Variants in DAPL1 observed in about 807,000 individuals in gnomAD.
DAPL1 encodes death associated protein like 1, also known as death-associated protein-like 1.
In DAPL1, 17 loss-of-function variants were observed where a neutral mutation model predicts 12.9. That is an observed-to-expected ratio of 1.32 (90% CI 0.90 to 1.98). The LOEUF is 1.98. Ranked by LOEUF, DAPL1 falls within the 30% of genes most tolerant of loss-of-function variation. The probability of loss-of-function intolerance (pLI) is 0.00; values close to 1 mark genes in which losing one functional copy is unlikely to be tolerated. For synonymous variants in DAPL1, 51 were observed against 42.0 expected, an observed-to-expected ratio of 1.21 and a Z score of -0.82; for missense variants, 157 against 125.7, an observed-to-expected ratio of 1.25 and a Z score of -1.19.
At chr2:158,813,266 C>G (rs534321437) in intron 3 of DAPL1, among the ~76,000 whole-genome samples, 49 of 152,092 alleles carry the variant, frequency 3.2e-4, no homozygotes, top group Admixed American at 7.9e-4. Context: ...TAATTGGTAC[C>G]GAGTCTCAGT....
chr2:158,808,176 T>C (rs905645163), intron 3 of DAPL1, among the ~76,000 whole-genome samples: 4 of 152,226 alleles, frequency 2.6e-5, no homozygotes, highest in African/African-American at 9.6e-5. Flanking sequence ...GTGTCCTCTG[T>C]AGAAGGAAGA....
chr2:158,810,720 G>A (rs904753863), intron 3 of DAPL1, among the ~76,000 whole-genome samples: 1 of 152,022 alleles, frequency 6.6e-6, no homozygotes, highest in East Asian at 1.9e-4. Flanking sequence ...TCACTCTCCA[G>A]CCAGCCTTCC....
intron 3 of DAPL1, among the ~76,000 whole-genome samples, chr2:158,813,487 C>A (rs1171169269): frequency 6.6e-6 from 1 of 151,934 alleles, no homozygotes; most frequent in East Asian, 1.9e-4. Context: ...GATCAAATAA[C>A]AAATTAGTGC....
At chr2:158,803,524 A>G (rs1376184659) in intron 1 of DAPL1, among the ~76,000 whole-genome samples, 2 of 152,228 alleles carry the variant, frequency 1.3e-5, no homozygotes, top group Non-Finnish European at 2.9e-5. Context: ...TTTCCTGGGA[A>G]CAGAAAAAAA....
chr2:158,802,253 T>C (rs1214891677), intron 1 of DAPL1, among the ~76,000 whole-genome samples: 1 of 152,226 alleles, frequency 6.6e-6, no homozygotes, highest in Non-Finnish European at 1.5e-5. Flanking sequence ...AGATCACTTT[T>C]AGGAATTTCC....
chr2:158,815,189 A>G (rs2059253363), intron 3 of DAPL1, among the ~76,000 whole-genome samples: 1 of 152,224 alleles, frequency 6.6e-6, no homozygotes, highest in Non-Finnish European at 1.5e-5. Flanking sequence ...GGCTATTTAG[A>G]TTGAACCATA....
At chr2:158,795,610 C>A (rs532939996) in intron 1 of DAPL1, among the ~76,000 whole-genome samples, 180 bp downstream of exon 1, 2 of 152,164 alleles carry the variant, frequency 1.3e-5, no homozygotes, top group Non-Finnish European at 2.9e-5. Flanking sequence ...TAAATCCACC[C>A]GGGGATTTGT....
In DAPL1 at chr2:158,795,376, G is replaced by A. The variant is rs1225492533; in HGVS notation, c.4G>A (p.Ala2Thr). ...GGCACTGGCACTGGCACACGCTATG[G>A]CAAATGAAGTGCAAGACCTGCTCTC... MANEVQDLLSPR... is the reference protein window; with the variant it reads MTNEVQDLLSPR... Residue 2 changes from alanine (A) to threonine (T), a missense_variant, in exon 1 of 4, where the codon GCA (alanine) becomes ACA (threonine). Coordinates refer to ENST00000309950, the MANE Select transcript of DAPL1 (RefSeq NM_001017920.3). 9.0e-6 allele frequency: 14 copies of A among 1,555,140 alleles called. No individual in the cohort carries two copies. The highest frequency in any genetic ancestry group is 1.4e-5 in the African/African-American group (1 of 73,386).
At chr2:158,811,398 C>A (rs1378831542) in intron 3 of DAPL1, among the ~76,000 whole-genome samples, 2 of 152,058 alleles carry the variant, frequency 1.3e-5, no homozygotes, top group East Asian at 1.9e-4. Context: ...GAAGTTAACA[C>A]CCTGGAAAGA....
intron 1 of DAPL1, among the ~76,000 whole-genome samples, chr2:158,802,033 G>A (rs1157517519): frequency 6.6e-6 from 1 of 152,190 alleles, no homozygotes; most frequent in Non-Finnish European, 1.5e-5. Context: ...CATGAGAAAT[G>A]AGAATTAAAA....
chr2:158,811,716 G>A (rs571420601), intron 3 of DAPL1, among the ~76,000 whole-genome samples: 19 of 152,246 alleles, frequency 1.2e-4, no homozygotes, highest in African/African-American at 3.1e-4. Flanking sequence ...TCTTTCTCTC[G>A]TGGGGTTACC....
intron 2 of DAPL1, 140 bp downstream of exon 2, chr2:158,804,509 C>T (rs899799324): frequency 3.9e-6 from 2 of 516,276 alleles, no homozygotes; most frequent in African/African-American, 1.9e-5. Flanking sequence ...GGGCGTGATC[C>T]GTGGTGACTT....
chr2:158,807,066 A>G lies in DAPL1; in HGVS notation c.158A>G (p.Asn53Ser), dbSNP rs1481325988. 6.2e-7 allele frequency: 1 copy of G among 1,612,552 alleles called. No individual in the cohort carries two copies. Among genetic ancestry groups the G allele is most frequent in the Non-Finnish European group, 8.5e-7 (1 of 1,178,992 alleles). ...TTTCATCTTCACAGTGCCATTGCAAATGTTGCCAAAATACAGACACTGGAT... is the reference window on the plus strand; with the variant it reads ...TTTCATCTTCACAGTGCCATTGCAAGTGTTGCCAAAATACAGACACTGGAT... ...TGFEKTSAIA[N>S]VAKIQTLDAL... Residue 53 changes from asparagine (N) to serine (S), a missense_variant, in exon 3 of 4, where the codon AAT (asparagine) becomes AGT (serine). Transcript: ENST00000309950.
Position 158,810,023 on chromosome 2 carries a change from A to T in DAPL1, c.207+2908A>T, listed in dbSNP as rs1057209343. Among the ~76,000 whole-genome samples, 4 of 152,294 alleles carry T rather than the reference A, an allele frequency of 2.6e-5. No individual in the cohort carries two copies. In the East Asian group the frequency reaches 7.7e-4, roughly 29 times the overall value. On this transcript the variant is annotated intron_variant, in intron 3 of 3. Coordinates refer to ENST00000309950, the MANE Select transcript of DAPL1 (RefSeq NM_001017920.3). The stretch of plus-strand genomic sequence containing the variant: ...TGACCAGAGGAAATTTGGGGGAATG[A>T]TGGGATGGTTACTCATCTTGATTGT...
At position 158,807,187 on chromosome 2, in the gene DAPL1, G is replaced by A. The variant is rs578011914; in HGVS notation, c.207+72G>A. 10 of 1,248,490 alleles carry A rather than the reference G, an allele frequency of 8.0e-6. No individual in the cohort carries two copies. The Middle Eastern group carries it at 7.8e-4, about 97-fold the overall frequency. The allele number at this position is 1,248,490 out of a possible 1,614,324, so 77.3% of individuals were successfully genotyped here. ...TGGATCCAGCTGCATGGGTGAATGA[G>A]CGGATGACCACTGAGGTTTTTTCCA... On this transcript the variant is annotated intron_variant, in intron 3 of 3. Transcript: ENST00000309950.
At chr2:158,807,349 A>T (rs1288341542) in intron 3 of DAPL1, among the ~76,000 whole-genome samples, 1 of 152,240 alleles carries the variant, frequency 6.6e-6, no homozygotes, top group Non-Finnish European at 1.5e-5. Flanking sequence ...AAGATAAGAA[A>T]GTGGGAATCA....
At chr2:158,810,201 A>G (rs968871784) in intron 3 of DAPL1, among the ~76,000 whole-genome samples, 2 of 152,346 alleles carry the variant, frequency 1.3e-5, no homozygotes, top group East Asian at 3.9e-4. Context: ...ATATGAATCG[A>G]TATATAAAAG....
chr2:158,809,629 A>C (rs768568646), intron 3 of DAPL1, among the ~76,000 whole-genome samples: 9 of 152,072 alleles, frequency 5.9e-5, no homozygotes, highest in Non-Finnish European at 1.2e-4. Context: ...TATCTACTTC[A>C]TAGGGACATG....
chr2:158,795,768 A>G (rs888867548), intron 1 of DAPL1, among the ~76,000 whole-genome samples: 20 of 152,106 alleles, frequency 1.3e-4, no homozygotes, highest in African/African-American at 4.6e-4. Context: ...GCAGTGACAC[A>G]TCTACACCAG....
Sources: allele counts gnomAD v4.1 joint callset (sites outside exome capture counted in the v4.1 genomes callset), GRCh38; gene constraint gnomAD v4.1.1; transcripts MANE v1.5; gene names NCBI Gene and HGNC (gene_info 2026-07-23, HGNC 2026-07-21).